Variants in PARVA observed in about 807,000 individuals in gnomAD.
PARVA encodes alpha-parvin.
A neutral mutation model predicts 52.6 loss-of-function variants in PARVA; 25 were observed. The ratio of observed to expected loss-of-function variants is 0.48; its 90% CI spans 0.35 to 0.66. The LOEUF is 0.66. Among genes scored for constraint, PARVA ranks in the 30% least tolerant of loss-of-function variants. The pLI is 0.01. For missense variants in PARVA, 373 were observed against 450.9 expected, an observed-to-expected ratio of 0.83 and a Z score of 1.56; for synonymous variants, 185 against 179.1, an observed-to-expected ratio of 1.03 and a Z score of -0.26.
intron 4 of PARVA, among the ~76,000 whole-genome samples, chr11:12,493,419 A>G (rs370133596): frequency 8.6e-5 from 13 of 151,514 alleles, no homozygotes; most frequent in African/African-American, 3.1e-4. Context: ...ATATATTTTT[A>G]TGCAAATCCA....
chr11:12,507,700 C>T (rs1354371870), intron 6 of PARVA, among the ~76,000 whole-genome samples: 1 of 152,164 alleles, frequency 6.6e-6, no homozygotes, highest in East Asian at 1.9e-4. Context: ...CCGAGGGTGA[C>T]CACGTAATCT....
Position 12,527,900 on chromosome 11 carries a change from T to C in PARVA, c.1094T>C (p.Phe365Ser). Residue 365 changes from phenylalanine (F) to serine (S), a missense_variant, in exon 13 of 13, where the codon TTC becomes TCC. Phe to Ser is a radical substitution (Grantham distance 155, BLOSUM62 -2). Coordinates refer to ENST00000334956, the MANE Select transcript of PARVA (RefSeq NM_018222.5). ...KSTLRVLYNL[F>S]TKYRNVE ...ACACTACGAGTGTTGTACAACCTCT[T>C]CACCAAGTACCGTAACGTGGAGTGA... The C allele has an allele frequency of 1.2e-6, 2 of 1,613,088 alleles. No homozygotes were observed. The highest frequency in any genetic ancestry group is 1.7e-6 in the Non-Finnish European group (2 of 1,179,568).
chr11:12,515,806 TTGC>T (rs1941560410), intron 10 of PARVA, among the ~76,000 whole-genome samples: 1 of 152,028 alleles, frequency 6.6e-6, no homozygotes, highest in African/African-American at 2.4e-5. Flanking sequence ...CCCACCTGAG[TTGC>T]AGGCCTGATG....
At chr11:12,491,038 GA>G (rs1479635695) in intron 4 of PARVA, among the ~76,000 whole-genome samples, 3 of 152,108 alleles carry the variant, frequency 2.0e-5, no homozygotes, top group Non-Finnish European at 4.4e-5. Context: ...AGTGGGAGAA[GA>G]ATCGGAAAAC....
intron 4 of PARVA, 164 bp downstream of exon 4, chr11:12,478,113 C>T: frequency 1.4e-6 from 1 of 701,344 alleles, no homozygotes; most frequent in Non-Finnish European, 2.6e-6. Context: ...TTTAGATGTC[C>T]TCTTGGAATG....
intron 4 of PARVA, chr11:12,480,739 C>G (rs1489649951): frequency 6.8e-6 from 1 of 146,858 alleles, no homozygotes; most frequent in Non-Finnish European, 1.5e-5. Flanking sequence ...TCTCAAAGGT[C>G]TGAGGCAGGG....
intron 12 of PARVA, among the ~76,000 whole-genome samples, chr11:12,520,534 C>T (rs78110606): frequency 0.02 from 3,050 of 152,254 alleles, 104 homozygotes; most frequent in African/African-American, 0.069. Context: ...CTCTGTTGTG[C>T]CTTGAAATCC....
intron 1 of PARVA, among the ~76,000 whole-genome samples, chr11:12,435,777 T>A (rs1288307403): frequency 6.6e-6 from 1 of 150,800 alleles, no homozygotes; most frequent in Non-Finnish European, 1.5e-5. Context: ...CTCCTGGCTA[T>A]ATCTCTGTTT....
At chr11:12,512,088 A>T (rs1941510081) in intron 8 of PARVA, among the ~76,000 whole-genome samples, 2 of 152,218 alleles carry the variant, frequency 1.3e-5, no homozygotes, top group Non-Finnish European at 2.9e-5. Context: ...CATCCCACTG[A>T]AATATTTACT....
chr11:12,391,620 ATGC>A (rs1392375557), intron 1 of PARVA, among the ~76,000 whole-genome samples: 15 of 152,204 alleles, frequency 9.9e-5, no homozygotes, highest in African/African-American at 3.4e-4. Flanking sequence ...CTACCTGCAT[ATGC>A]TGCTAACTCC....
rs572337507 is a variant in PARVA, at chr11:12,445,012, C to A, written c.137-28733C>A. Among the ~76,000 whole-genome samples the A allele has an allele frequency of 3.9e-5, 6 of 152,240 alleles. No individual in the cohort carries two copies. In the East Asian group the frequency reaches 1.2e-3, roughly 29 times the overall value. On this transcript the variant is annotated intron_variant, in intron 1 of 12. Coordinates refer to ENST00000334956, the MANE Select transcript of PARVA (RefSeq NM_018222.5). ...AAGTAGGCAGTGGTCTAGGGGAGGG[C>A]TGTACTTCTAGGAGGAACTAGATTT...
intron 1 of PARVA, 93 bp downstream of exon 1, chr11:12,377,876 C>T (rs959760179): frequency 3.5e-6 from 3 of 851,722 alleles, no homozygotes; most frequent in Non-Finnish European, 4.6e-6. Flanking sequence ...CGGGAGCGCG[C>T]CGCGGGTGCC....
At chr11:12,513,457 T>A in intron 9 of PARVA, 97 bp downstream of exon 9, 1 of 1,071,120 alleles carries the variant, frequency 9.3e-7, no homozygotes. Flanking sequence ...CTGCCAGAAC[T>A]GGTGGCATCA....
intron 1 of PARVA, among the ~76,000 whole-genome samples, chr11:12,387,888 T>A (rs185226642): frequency 6.6e-6 from 1 of 151,984 alleles, no homozygotes; most frequent in African/African-American, 2.4e-5. Flanking sequence ...AGGACTAAGG[T>A]AAAAGAGCCC....
intron 4 of PARVA, chr11:12,478,234 A>T (rs1941041919): frequency 4.3e-6 from 2 of 464,150 alleles, no homozygotes; most frequent in Admixed American, 3.2e-5. Flanking sequence ...ATTAATAACT[A>T]GAAAGCACGC....
intron 4 of PARVA, among the ~76,000 whole-genome samples, chr11:12,482,341 A>C (rs905528891): frequency 1.3e-5 from 2 of 151,842 alleles, no homozygotes; most frequent in African/African-American, 4.8e-5. Flanking sequence ...TAAAAAGGAA[A>C]GCTGGCCGGG....
At chr11:12,393,480 G>A (rs1348191922) in intron 1 of PARVA, among the ~76,000 whole-genome samples, 1 of 152,144 alleles carries the variant, frequency 6.6e-6, no homozygotes, top group Non-Finnish European at 1.5e-5. Context: ...ACAACCTGGT[G>A]GCATTGTTTT....
intron 1 of PARVA, among the ~76,000 whole-genome samples, chr11:12,425,575 T>C (rs1483316631): frequency 6.6e-6 from 1 of 152,194 alleles, no homozygotes; most frequent in African/African-American, 2.4e-5. Flanking sequence ...CCCTGAGTGA[T>C]TTCTCTCTGC....
intron 12 of PARVA, among the ~76,000 whole-genome samples, chr11:12,521,681 T>A (rs1430682786): frequency 2.0e-5 from 3 of 152,166 alleles, no homozygotes; most frequent in Non-Finnish European, 4.4e-5. Context: ...ATTATCTAGG[T>A]GGTCCCAATG....
Sources: allele counts gnomAD v4.1 joint callset (sites outside exome capture counted in the v4.1 genomes callset), GRCh38; gene constraint gnomAD v4.1.1; transcripts MANE v1.5; gene names NCBI Gene and HGNC (gene_info 2026-07-23, HGNC 2026-07-21).